The following NTM variants were observed in gnomAD, a reference collection of about 807,000 sequenced individuals.
The protein encoded by NTM is neurotrimin, also known as IgLON family member 2.
In NTM, 13 loss-of-function variants were observed where a neutral mutation model predicts 42.1. The observed-to-expected ratio is 0.31, with a 90% confidence interval of 0.20 to 0.49. The LOEUF (loss-of-function observed/expected upper bound fraction) is 0.49, where lower values mean the gene tolerates loss of function less well. Ranked by LOEUF, NTM falls within the 20% of genes least tolerant of loss-of-function variation. NTM has a pLI of 0.99. For missense variants in NTM, 373 were observed against 452.8 expected, an observed-to-expected ratio of 0.82 and a Z score of 1.60; for synonymous variants, 187 against 179.2, an observed-to-expected ratio of 1.04 and a Z score of -0.35.
chr11:131,550,529 C>T (rs1319608462), intron 1 of NTM, among the ~76,000 whole-genome samples: 1 of 152,190 alleles, frequency 6.6e-6, no homozygotes, highest in African/African-American at 2.4e-5. Flanking sequence ...CTCTCTTCCT[C>T]CTGCTCTGGC....
At chr11:131,596,643 T>C (rs1263774251) in intron 1 of NTM, among the ~76,000 whole-genome samples, 1 of 152,206 alleles carries the variant, frequency 6.6e-6, no homozygotes, top group East Asian at 1.9e-4. Context: ...AAAGCATGTC[T>C]AAGGACACCA....
chr11:131,974,354 C>T (rs1429127148), intron 2 of NTM, among the ~76,000 whole-genome samples: 1 of 152,162 alleles, frequency 6.6e-6, no homozygotes, highest in Non-Finnish European at 1.5e-5. Context: ...ACCCAAAATG[C>T]ATTTAGGCTA....
intron 1 of NTM, among the ~76,000 whole-genome samples, chr11:131,609,068 G>T (rs1276259047): frequency 6.6e-6 from 1 of 152,154 alleles, no homozygotes; most frequent in Admixed American, 6.5e-5. Context: ...AAAACTGGGG[G>T]TGCATGGGTC....
chr11:131,389,050 G>GAAAAGAAAAGAAGA (rs1555097661), intron 1 of NTM, among the ~76,000 whole-genome samples: 1 of 100,170 alleles, frequency 1.0e-5, no homozygotes, highest in African/African-American at 3.7e-5. Context: ...AAAAGAAAAG[G>GAAAAGAAAAGAAGA]AAAAAGAAAG....
intron 1 of NTM, among the ~76,000 whole-genome samples, chr11:131,429,669 C>T (rs1440512864): frequency 2.6e-5 from 4 of 152,164 alleles, no homozygotes; most frequent in Admixed American, 6.5e-5. Flanking sequence ...GCTATTTGAA[C>T]ACATCCAGCT....
intron 4 of NTM, among the ~76,000 whole-genome samples, chr11:132,258,558 G>GT (rs1353947131): frequency 6.6e-6 from 1 of 152,128 alleles, no homozygotes; most frequent in African/African-American, 2.4e-5. Flanking sequence ...CTTTGCCATA[G>GT]TGATTTTCTC....
intron 1 of NTM, among the ~76,000 whole-genome samples, chr11:131,843,012 AAAATAAAT>A (rs560126461): frequency 9.9e-5 from 15 of 152,178 alleles, no homozygotes; most frequent in South Asian, 4.1e-4. Context: ...TTTGTCTCAA[AAAATAAAT>A]AAATAAATAA....
intron 1 of NTM, among the ~76,000 whole-genome samples, chr11:131,481,676 T>G (rs994514065): frequency 1.1e-4 from 16 of 152,202 alleles, no homozygotes; most frequent in African/African-American, 3.9e-4. Flanking sequence ...ACACAGCCAG[T>G]GCTTTCTAGC....
chr11:131,493,285 T>A (rs1249659052), intron 1 of NTM, among the ~76,000 whole-genome samples: 1 of 152,074 alleles, frequency 6.6e-6, no homozygotes, highest in Non-Finnish European at 1.5e-5. Context: ...ATAAATGACT[T>A]AAAAGACAAT....
chr11:132,328,946 T>A (rs1273348159), intron 7 of NTM, among the ~76,000 whole-genome samples: 1 of 152,130 alleles, frequency 6.6e-6, no homozygotes, highest in Non-Finnish European at 1.5e-5. Flanking sequence ...CATCAGATAT[T>A]TTCTCAATCA....
chr11:131,411,541 G>GGC (rs1946416991), intron 1 of NTM, among the ~76,000 whole-genome samples: 1 of 4,660 alleles, frequency 2.1e-4, no homozygotes, highest in Non-Finnish European at 3.7e-4. Flanking sequence ...AGGGGGGGCC[G>GGC]TGTGTGTGTG....
intron 1 of NTM, among the ~76,000 whole-genome samples, chr11:131,530,929 G>C (rs2051176745): frequency 6.6e-6 from 1 of 152,244 alleles, no homozygotes; most frequent in South Asian, 2.1e-4. Flanking sequence ...AGGGAGAACA[G>C]TAGTGGGAGG....
intron 1 of NTM, among the ~76,000 whole-genome samples, chr11:131,376,762 T>C (rs995107947): frequency 9.2e-5 from 14 of 152,036 alleles, no homozygotes; most frequent in African/African-American, 3.4e-4. Context: ...TACTTCCTCA[T>C]TCAAATTCAC....
chr11:131,372,953 A>G (rs1941422802), intron 1 of NTM, among the ~76,000 whole-genome samples: 1 of 152,212 alleles, frequency 6.6e-6, no homozygotes, highest in African/African-American at 2.4e-5. Context: ...TGGTGGCGAC[A>G]GCACTATCTC....
chr11:131,388,383 T>G (rs1248950794), intron 1 of NTM, among the ~76,000 whole-genome samples: 1 of 151,314 alleles, frequency 6.6e-6, no homozygotes, highest in Non-Finnish European at 1.5e-5. Context: ...ATTTTTATTA[T>G]GCAGAGCACA....
At chr11:132,123,242 G>A (rs1022111467) in intron 2 of NTM, among the ~76,000 whole-genome samples, 8 of 152,268 alleles carry the variant, frequency 5.3e-5, no homozygotes, top group African/African-American at 1.7e-4. Context: ...AAAATGCACT[G>A]TCCATGGCAA....
chr11:132,104,749 A>C (rs1179408759), intron 2 of NTM, among the ~76,000 whole-genome samples: 1 of 150,132 alleles, frequency 6.7e-6, no homozygotes, highest in Non-Finnish European at 1.5e-5. Context: ...AAAAGAAAAA[A>C]AATAAATTAT....
intron 1 of NTM, among the ~76,000 whole-genome samples, chr11:131,436,469 T>C (rs1438768350): frequency 2.0e-5 from 3 of 152,194 alleles, no homozygotes; most frequent in Non-Finnish European, 4.4e-5. Flanking sequence ...GAGCCTGTTA[T>C]TGGTCTACTC....
intron 1 of NTM, among the ~76,000 whole-genome samples, chr11:131,602,068 AT>A (rs1420086889): frequency 1.3e-5 from 2 of 152,172 alleles, no homozygotes; most frequent in East Asian, 1.9e-4. Context: ...TCTCTAGTTT[AT>A]TTTTTAGGCC....
Sources: allele counts gnomAD v4.1 joint callset (sites outside exome capture counted in the v4.1 genomes callset), GRCh38; gene constraint gnomAD v4.1.1; transcripts MANE v1.5; gene names NCBI Gene and HGNC (gene_info 2026-07-23, HGNC 2026-07-21).